USP40: variants seen among roughly 807,000 people sequenced by gnomAD.
USP40 encodes the protein ubiquitin carboxyl-terminal hydrolase 40.
A neutral mutation model predicts 166.2 loss-of-function variants in USP40; 143 were observed. That is an observed-to-expected ratio of 0.86 (90% confidence interval 0.75 to 0.99). USP40 has a LOEUF of 0.99. Among genes scored for constraint, USP40 ranks in the 50% least tolerant of loss-of-function variants. The probability of loss-of-function intolerance (pLI) is 0.00; values close to 1 mark genes in which losing one functional copy is unlikely to be tolerated. For synonymous variants in USP40, 498 were observed against 524.0 expected, an observed-to-expected ratio of 0.95 and a Z score of 0.68; for missense variants, 1,444 against 1,479.7, an observed-to-expected ratio of 0.98 and a Z score of 0.40.
chr2:233,549,005 G>A (rs972973632), intron 8 of USP40, 96 bp downstream of exon 8: 5 of 1,239,228 alleles, frequency 4.0e-6, no homozygotes, highest in Admixed American at 5.7e-5. Flanking sequence ...TCTATAGAGT[G>A]GATATATAAT....
In USP40 at chr2:233,485,956, C is replaced by T. The variant is rs1278664342; in HGVS notation, c.3219G>A (p.Arg1073=). Residue 1073 remains arginine, a synonymous_variant, in exon 29 of 32, where the codon AGG becomes AGA. Coordinates refer to ENST00000678225, the MANE Select transcript of USP40 (RefSeq NM_001365479.2). ...TCTCACCAGGGATGCGCACCTGTGTCCTCAGCAGCACGTCCTGGGGGCTGT... is the reference window on the plus strand; with the variant it reads ...TCTCACCAGGGATGCGCACCTGTGTTCTCAGCAGCACGTCCTGGGGGCTGT... ...ENLGPQDVLL[R]TQVRIPGERT... is the part of the protein sequence containing the mutation. 1.4e-5 allele frequency: 22 copies of T among 1,587,222 alleles called. No individual in the cohort carries two copies. Among genetic ancestry groups the T allele is most frequent in the Non-Finnish European group, 1.8e-5 (21 of 1,169,008 alleles).
rs556372716 is a variant in USP40, at chr2:233,518,691, G to A, written c.2383+923C>T. Among the ~76,000 whole-genome samples, 8 of 152,136 alleles carry A rather than the reference G, an allele frequency of 5.3e-5. No individual in the cohort carries two copies. The South Asian group carries it at 1.7e-3, about 32-fold the overall frequency. ...GTTCAGTCACTTTGGATAATAGTGC[G>A]AGAGTTTCTTATAAAGTTAAACATA... On this transcript the variant is annotated intron_variant, in intron 18 of 31. Transcript: ENST00000678225.
At chr2:233,483,308 G>A (rs1208703734) in intron 30 of USP40, among the ~76,000 whole-genome samples, 4 of 151,936 alleles carry the variant, frequency 2.6e-5, no homozygotes, top group Admixed American at 6.6e-5. Context: ...TGGGCAACAC[G>A]GCATAACCCC....
intron 27 of USP40, among the ~76,000 whole-genome samples, chr2:233,488,531 G>C (rs536085116): frequency 2.0e-4 from 30 of 152,340 alleles, no homozygotes; most frequent in African/African-American, 7.0e-4. Context: ...GCTCTGGGAA[G>C]ATGGCCAAAC....
In USP40 at chr2:233,559,909, A is replaced by C; in HGVS notation, c.283T>G (p.Leu95Val). 1 of 1,606,478 alleles carries C rather than the reference A, an allele frequency of 6.2e-7. No homozygotes were observed. The highest frequency in any genetic ancestry group is 2.2e-5 in the East Asian group (1 of 44,758). Residue 95 changes from leucine (L) to valine (V), a missense_variant, in exon 4 of 32, where the codon TTA (leucine) becomes GTA (valine). Leu to Val is a conservative substitution (Grantham distance 32, BLOSUM62 1). Transcript: ENST00000678225. ...KPDAKVRIIPLQLQRLFAQLL... is the reference protein window; with the variant it reads ...KPDAKVRIIPVQLQRLFAQLL... ...TGAGCAAACAAGCGCTGTAACTGTAAAGGGATGATTCGAACCTGAATGAGA... is the reference window on the plus strand; with the variant it reads ...TGAGCAAACAAGCGCTGTAACTGTACAGGGATGATTCGAACCTGAATGAGA...
intron 26 of USP40, 102 bp from the exon 27 acceptor site, chr2:233,489,585 A>G: frequency 3.4e-6 from 3 of 880,088 alleles, no homozygotes; most frequent in Non-Finnish European, 5.2e-6. Flanking sequence ...TGGCATCTCA[A>G]GGAAAGAGTA....
chr2:233,563,161 G>C (rs185292257), intron 2 of USP40, among the ~76,000 whole-genome samples: 1 of 152,202 alleles, frequency 6.6e-6, no homozygotes, highest in Non-Finnish European at 1.5e-5. Context: ...CAGTTTTCCT[G>C]CCACATGTAA....
At chr2:233,547,770 A>G (rs1186638661) in intron 8 of USP40, among the ~76,000 whole-genome samples, 7 of 152,348 alleles carry the variant, frequency 4.6e-5, no homozygotes, top group Admixed American at 2.6e-4. Context: ...ATGAAAATGT[A>G]TATCTTGTGC....
intron 4 of USP40, among the ~76,000 whole-genome samples, chr2:233,557,914 G>A (rs770794626): frequency 2.0e-5 from 3 of 149,780 alleles, no homozygotes; most frequent in South Asian, 2.1e-4. Context: ...CTGGGAGGCC[G>A]AGGCAGCAGG....
intron 10 of USP40, among the ~76,000 whole-genome samples, chr2:233,535,447 T>C (rs933090195): frequency 2.0e-5 from 3 of 152,214 alleles, no homozygotes; most frequent in African/African-American, 7.2e-5. Flanking sequence ...GTAAGGCATG[T>C]TCTTAGCTCA....
In USP40 at chr2:233,540,751, G is replaced by T. The variant is rs746660682; in HGVS notation, c.1081C>A (p.Pro361Thr). 1.2e-6 allele frequency: 2 copies of T among 1,612,948 alleles called. No individual in the cohort carries two copies. The highest frequency in any genetic ancestry group is 1.1e-5 in the South Asian group (1 of 91,026). ...ILLEEENNLI[P>T]VDQLGQKLLK... ...AGTTTCTGGCCCAGCTGATCAACAG[G>T]AATTAGATTATTCTCCTCCTTATGA... The change falls in exon 10 of 32, where the codon CCT becomes ACT. Residue 361 changes from proline (P) to threonine (T), a missense_variant. By Grantham distance (38) the Pro-to-Thr change is conservative. Transcript: ENST00000678225.
chr2:233,491,624 G>C (rs936698862), intron 25 of USP40, among the ~76,000 whole-genome samples: 4 of 151,368 alleles, frequency 2.6e-5, no homozygotes, highest in Admixed American at 6.6e-5. Context: ...GTGTGTGTGT[G>C]TGTGTGTGTG....
chr2:233,565,109 T>C (rs527384016), intron 2 of USP40, among the ~76,000 whole-genome samples: 167 of 152,334 alleles, frequency 1.1e-3, no homozygotes, highest in African/African-American at 3.7e-3. Context: ...ATTACAGGAA[T>C]TAAAAAAGAA....
chr2:233,527,719 G>A, intron 12 of USP40, 141 bp from the exon 13 acceptor site: 1 of 721,342 alleles, frequency 1.4e-6, no homozygotes, highest in Non-Finnish European at 2.1e-6. Context: ...GCCACAATTA[G>A]TCACTTTAAT....
At chr2:233,555,696 C>T (rs1433204228) in intron 5 of USP40, among the ~76,000 whole-genome samples, 7 of 144,746 alleles carry the variant, frequency 4.8e-5, no homozygotes, top group African/African-American at 1.3e-4. Flanking sequence ...AGCACAGTGG[C>T]GCAATCTCAG....
Position 233,493,606 on chromosome 2 carries a change from A to T in USP40, c.2791-55T>A. On this transcript the variant is annotated intron_variant, in intron 24 of 31. Transcript: ENST00000678225. The surrounding 1 kb of genome is among the most constrained non-coding windows in gnomAD (Gnocchi z 4.7). ...GATTACAAAGATTAAGTGAAACTCT[A>T]CTTTTACTTCCATAGAAAGAAACAC... 6.6e-7 allele frequency: 1 copy of T among 1,517,762 alleles called. No homozygotes were observed. Among genetic ancestry groups the T allele is most frequent in the East Asian group, 2.4e-5 (1 of 42,482 alleles). 94.0% of individuals were successfully genotyped at this position (1,517,762 alleles called of 1,614,324 possible). A position where few individuals can be genotyped will look rare whatever the true frequency, so the allele number is the denominator to read the frequency against.
chr2:233,480,374 A>T lies in USP40; in HGVS notation c.3599+829T>A, dbSNP rs750780699. On this transcript the variant is annotated intron_variant, in intron 31 of 31. Transcript: ENST00000678225. The surrounding 1 kb of genome is among the most constrained non-coding windows in gnomAD (Gnocchi z 4.5). ...GAGTCCGTGAGTCGGGGAGTGGGGG[A>T]GGATGAGGACGCCTGGGGGCCTCTG... Among the ~76,000 whole-genome samples, 48 of 152,108 alleles carry T rather than the reference A, an allele frequency of 3.2e-4. No homozygotes were observed. Among genetic ancestry groups the T allele is most frequent in the Admixed American group, 3.9e-4 (6 of 15,280 alleles).
intron 18 of USP40, chr2:233,519,405 G>A: frequency 4.3e-6 from 2 of 462,988 alleles, no homozygotes; most frequent in Non-Finnish European, 8.0e-6. Flanking sequence ...GAAAGAATAG[G>A]TCTGAGGAGG....
chr2:233,502,019 C>T (rs1391253831), intron 21 of USP40, among the ~76,000 whole-genome samples: 3 of 152,136 alleles, frequency 2.0e-5, no homozygotes, highest in African/African-American at 4.8e-5. Context: ...ATAGAGTCAT[C>T]AGGTACATCG....
Sources: allele counts gnomAD v4.1 joint callset (sites outside exome capture counted in the v4.1 genomes callset), GRCh38; gene constraint gnomAD v4.1.1; non-coding constraint Gnocchi (gnomAD v3.1); transcripts MANE v1.5; gene names NCBI Gene and HGNC (gene_info 2026-07-23, HGNC 2026-07-21).